PIEZO2: variants seen among roughly 807,000 people sequenced by gnomAD.
PIEZO2 encodes the protein piezo-type mechanosensitive ion channel component 2.
PIEZO2 carries 172 observed loss-of-function variants against 337.3 expected under a neutral mutation model. The observed-to-expected ratio is 0.51, with a 90% CI of 0.45 to 0.58. PIEZO2 has a LOEUF of 0.58. Among genes scored for constraint, PIEZO2 ranks in the 20% least tolerant of loss-of-function variants. PIEZO2 has a pLI of 0.00. For synonymous variants in PIEZO2, 1,251 were observed against 1,228.5 expected (o/e 1.02, Z -0.38); for missense variants, 3,028 against 3,391.3 (o/e 0.89, Z 2.66).
At chr18:11,019,456 C>T (rs2036235567) in intron 2 of PIEZO2, among the ~76,000 whole-genome samples, 1 of 152,170 alleles carries the variant, frequency 6.6e-6, no homozygotes, top group Non-Finnish European at 1.5e-5. Flanking sequence ...CATCTGGGAG[C>T]TTTTGTACTT....
intron 30 of PIEZO2, among the ~76,000 whole-genome samples, chr18:10,745,379 G>A (rs557022729): frequency 1.3e-5 from 2 of 152,020 alleles, no homozygotes; most frequent in South Asian, 4.2e-4. Flanking sequence ...ACCGACACAC[G>A]ACCACATCCC....
rs1043497646 is a variant in PIEZO2 at position 10,714,915 on chromosome 18, G to A, written c.5272C>T (p.Arg1758Trp). The change falls in exon 39 of 56, where the codon CGG becomes TGG. Residue 1758 changes from arginine (R) to tryptophan (W), a missense_variant. By Grantham distance (101) the Arg-to-Trp change is moderately radical (BLOSUM62 -3). Around this residue, in one of 5 missense-constraint regions of PIEZO2, gnomAD observed 1,925 missense variants for 2,051.9 expected, o/e 0.94. Coordinates refer to ENST00000674853, the MANE Select transcript of PIEZO2 (RefSeq NM_001378183.1). The part of the protein sequence containing the change: ...REIKKGNVPT[R>W]ESIHMYYQNH... ...TGATAGTACATGTGGATGCTCTCCC[G>A]AGTTGGAACATTGCCCTGAGGAGAA... 1.6e-5 allele frequency: 25 copies of A among 1,536,938 alleles called. No homozygotes were observed. The highest frequency in any genetic ancestry group is 1.7e-4 in the Middle Eastern group (1 of 6,012).
intron 4 of PIEZO2, among the ~76,000 whole-genome samples, chr18:10,889,923 C>T (rs778313435): frequency 7.9e-4 from 121 of 152,324 alleles, no homozygotes; most frequent in Non-Finnish European, 7.1e-4. Flanking sequence ...TAACTGCTGA[C>T]GTCTCAGGTT....
chr18:11,148,801 C>G lies in PIEZO2; in HGVS notation c.-213G>C, dbSNP rs2040876323. ...TCGCCCACCGGGCTCTGGGTAGCCC[C>G]TCACCAGGCTCTTGGCGGCCACCTA... is the stretch of plus-strand genomic sequence containing the variant. On this transcript the variant is annotated 5_prime_UTR_variant, in exon 1 of 56. Coordinates refer to ENST00000674853, the MANE Select transcript of PIEZO2 (RefSeq NM_001378183.1). This position sits in a 1 kb window ranked among gnomAD's most constrained non-coding sequence, Gnocchi z 5.2. 1 of 473,680 alleles carries G rather than the reference C, an allele frequency of 2.1e-6. No homozygotes were observed. The highest frequency in any genetic ancestry group is 4.3e-5 in the Admixed American group (1 of 23,040). 29.3% of individuals were successfully genotyped at this position (473,680 alleles called of 1,614,324 possible).
intron 3 of PIEZO2, among the ~76,000 whole-genome samples, chr18:10,922,391 G>A (rs2031474740): frequency 6.6e-6 from 1 of 152,126 alleles, no homozygotes; most frequent in African/African-American, 2.4e-5. Flanking sequence ...GAGATGGAAA[G>A]GGATGAGAAT....
chr18:11,148,760 G>T lies in PIEZO2; in HGVS notation c.-172C>A, dbSNP rs2040875402. 3.2e-6 allele frequency: 2 copies of T among 621,468 alleles called. No individual in the cohort carries two copies. Among genetic ancestry groups the T allele is most frequent in the African/African-American group, 2.0e-5 (1 of 51,058 alleles). The allele number at this position is 621,468 out of a possible 1,614,324, so 38.5% of individuals were successfully genotyped here. ...CTCCGCCCCGAGGGCACGCTCCCGG[G>T]GCTCTTGGCCGCCCCTCGCCCACCG... On this transcript the variant is annotated 5_prime_UTR_variant, in exon 1 of 56. Coordinates refer to ENST00000674853, the MANE Select transcript of PIEZO2 (RefSeq NM_001378183.1). The surrounding 1 kb of genome is among the most constrained non-coding windows in gnomAD (Gnocchi z 5.2).
intron 7 of PIEZO2, among the ~76,000 whole-genome samples, chr18:10,825,568 T>TTTTTTTTTTTTTTA (rs2040647679): frequency 6.7e-6 from 1 of 149,092 alleles, no homozygotes; most frequent in Non-Finnish European, 1.5e-5. Context: ...TTTTTTTTTT[T>TTTTTTTTTTTTTTA]GAGACAGAAT....
rs144755765 is a variant in PIEZO2 at position 11,096,917 on chromosome 18, A to G, written c.65-30695T>C. Among the ~76,000 whole-genome samples the G allele has an allele frequency of 2.3e-3, 354 of 152,340 alleles. 3 individuals are homozygous for G. Among genetic ancestry groups the G allele is most frequent in the African/African-American group, 8.3e-3 (343 of 41,564 alleles). On this transcript the variant is annotated intron_variant, in intron 1 of 55. Transcript: ENST00000674853. The surrounding 1 kb of genome is among the most constrained non-coding windows in gnomAD (Gnocchi z 4.6). The stretch of plus-strand genomic sequence containing the variant: ...TGGATGCTTTCATCTGCAGCCCTCC[A>G]ATCCCTATCCTGGAGAAGGAAGCTG...
In PIEZO2 at chr18:10,929,712, G is replaced by A. The variant is rs575353392; in HGVS notation, c.287-18484C>T. Among the ~76,000 whole-genome samples, 4 of 152,148 alleles carry A rather than the reference G, an allele frequency of 2.6e-5. No homozygotes were observed. Among genetic ancestry groups the A allele is most frequent in the South Asian group, 2.1e-4 (1 of 4,828 alleles). ...GTTTGATACAATAGAGCAGATGGAC[G>A]GAATGTTAGAATGTGTATGCTTGAC... is the stretch of plus-strand genomic sequence containing the variant. On this transcript the variant is annotated intron_variant, in intron 3 of 55. Coordinates refer to ENST00000674853, the MANE Select transcript of PIEZO2 (RefSeq NM_001378183.1). The surrounding 1 kb of genome is among the most constrained non-coding windows in gnomAD (Gnocchi z 5.6).
chr18:10,787,588 C>T (rs568165165), intron 15 of PIEZO2, among the ~76,000 whole-genome samples: 2 of 152,236 alleles, frequency 1.3e-5, no homozygotes, highest in African/African-American at 4.8e-5. Flanking sequence ...AAATTGAAAG[C>T]AATATTGTAT....
At chr18:10,857,986 CT>C (rs2041755844) in intron 5 of PIEZO2, among the ~76,000 whole-genome samples, 2 of 137,768 alleles carry the variant, frequency 1.5e-5, no homozygotes, top group Non-Finnish European at 3.1e-5. Flanking sequence ...ACGACTTTTT[CT>C]TTTTTCTTTC....
At chr18:11,042,094 A>C (rs2037144270) in intron 2 of PIEZO2, among the ~76,000 whole-genome samples, 1 of 152,210 alleles carries the variant, frequency 6.6e-6, no homozygotes, top group South Asian at 2.1e-4. Flanking sequence ...GGGAGAGACA[A>C]TATGGAGTAC....
chr18:10,769,426 G>A (rs1054695907), intron 21 of PIEZO2, among the ~76,000 whole-genome samples: 1 of 152,156 alleles, frequency 6.6e-6, no homozygotes, highest in Admixed American at 6.5e-5. Flanking sequence ...AAAGTTTTAG[G>A]TTTGTAGTGT....
In PIEZO2 at chr18:11,070,770, G is replaced by A. The variant is rs779072055; in HGVS notation, c.65-4548C>T. Among the ~76,000 whole-genome samples, 24 of 152,162 alleles carry A rather than the reference G, an allele frequency of 1.6e-4. No individual in the cohort carries two copies. The highest frequency in any genetic ancestry group is 3.3e-4 in the Admixed American group (5 of 15,282). On this transcript the variant is annotated intron_variant, in intron 1 of 55. Coordinates refer to ENST00000674853, the MANE Select transcript of PIEZO2 (RefSeq NM_001378183.1). This position sits in a 1 kb window ranked among gnomAD's most constrained non-coding sequence, Gnocchi z 4.3. ...AGCTGGAAGCAAGAAGGGGAGGCCC[G>A]GGAGACTGAGCAGAGGACGCCAGGG...
rs941130494 is a variant in PIEZO2, at chr18:11,148,379, T to C, written c.64+146A>G. On this transcript the variant is annotated intron_variant, in intron 1 of 55. Coordinates refer to ENST00000674853, the MANE Select transcript of PIEZO2 (RefSeq NM_001378183.1). The surrounding 1 kb of genome is among the most constrained non-coding windows in gnomAD (Gnocchi z 5.2). Reference sequence around the variant, plus strand: ...AGTGGGAAGTGAGAGAGCCAGGCTGTGCACCAGGGACAGCGCGCGTCTGAC... The same window carrying C: ...AGTGGGAAGTGAGAGAGCCAGGCTGCGCACCAGGGACAGCGCGCGTCTGAC... The C allele has an allele frequency of 4.5e-5, 39 of 875,128 alleles. 1 individual carries two copies. The highest frequency in any genetic ancestry group is 6.0e-5 in the Non-Finnish European group (34 of 566,874). 54.2% of individuals were successfully genotyped at this position (875,128 alleles called of 1,614,324 possible).
At chr18:10,991,582 A>G (rs1308556252) in intron 2 of PIEZO2, among the ~76,000 whole-genome samples, 1 of 152,148 alleles carries the variant, frequency 6.6e-6, no homozygotes, top group African/African-American at 2.4e-5. Flanking sequence ...ATGGCTGCAT[A>G]GTATTCCATG....
intron 1 of PIEZO2, among the ~76,000 whole-genome samples, chr18:11,142,143 A>C (rs909173702): frequency 1.3e-5 from 2 of 152,198 alleles, no homozygotes; most frequent in African/African-American, 4.8e-5. Context: ...GGCAAATAAA[A>C]CTTATATGTA....
intron 49 of PIEZO2, among the ~76,000 whole-genome samples, chr18:10,687,357 T>A (rs898533874): frequency 1.3e-5 from 2 of 152,118 alleles, no homozygotes; most frequent in Non-Finnish European, 2.9e-5. Flanking sequence ...TTCTCATCAT[T>A]CAGCTTGTGT....
At chr18:11,054,480 C>T (rs2037644312) in intron 2 of PIEZO2, among the ~76,000 whole-genome samples, 1 of 152,218 alleles carries the variant, frequency 6.6e-6, no homozygotes. Flanking sequence ...ATTCATTCTA[C>T]AAATATTTAC....
Sources: allele counts gnomAD v4.1 joint callset (sites outside exome capture counted in the v4.1 genomes callset), GRCh38; gene constraint gnomAD v4.1.1; regional missense constraint gnomAD v4.1.1; non-coding constraint Gnocchi (gnomAD v3.1); transcripts MANE v1.5; gene names NCBI Gene and HGNC (gene_info 2026-07-23, HGNC 2026-07-21).